SGO1: variants seen among roughly 807,000 people sequenced by gnomAD.
SGO1 encodes the protein shugoshin 1, also known as serologically defined breast cancer antigen NY-BR-85.
A neutral mutation model predicts 50.5 loss-of-function variants in SGO1; 39 were observed. The ratio of observed to expected loss-of-function variants is 0.77; its 90% CI spans 0.60 to 1.01. The LOEUF is 1.01. Among genes scored for constraint, SGO1 ranks in the 50% least tolerant of loss-of-function variants. The pLI, the probability that SGO1 is intolerant of heterozygous loss-of-function variation, is 0.00. For missense variants in SGO1, 638 were observed against 606.0 expected (o/e 1.05, Z -0.55); for synonymous variants, 191 against 205.1 (o/e 0.93, Z 0.59).
intron 6 of SGO1, among the ~76,000 whole-genome samples, chr3:20,173,343 T>A (rs1161030843): frequency 6.6e-6 from 1 of 152,152 alleles, no homozygotes; most frequent in African/African-American, 2.4e-5. Flanking sequence ...TTTCACCATG[T>A]TGGCCAGGCT....
intron 4 of SGO1, among the ~76,000 whole-genome samples, chr3:20,177,741 C>G (rs1346511524): frequency 6.6e-6 from 1 of 152,140 alleles, no homozygotes; most frequent in African/African-American, 2.4e-5. Context: ...GTGCATTTTA[C>G]TGTTTATAAT....
downstream of SGO1, among the ~76,000 whole-genome samples, chr3:20,165,425 C>CA (rs901878580): frequency 2.0e-5 from 3 of 151,124 alleles, no homozygotes; most frequent in Admixed American, 6.6e-5. Context: ...AGATATAAAG[C>CA]AAAAAAAATC....
At chr3:20,178,121 A>G in intron 4 of SGO1, 150 bp downstream of exon 4, 1 of 587,078 alleles carries the variant, frequency 1.7e-6, no homozygotes, top group East Asian at 2.8e-5. Flanking sequence ...GAATTTCAAC[A>G]CATCAAATTC....
At chr3:20,169,433 C>CAG, downstream of SGO1, 1 of 984,374 alleles carries the variant, frequency 1.0e-6, no homozygotes, top group Non-Finnish European at 1.2e-6. Context: ...ATAGTGAAGA[C>CAG]AGAGAGATAC....
At chr3:20,186,352 T>G (rs1702674195), upstream of SGO1, 4 of 152,308 alleles carry the variant, frequency 2.6e-5, 1 homozygote, top group South Asian at 8.3e-4. Flanking sequence ...CATCCGGGCA[T>G]CCACCTGGCC....
In SGO1 at chr3:20,169,487, C is replaced by T. The variant is rs1336811576; in HGVS notation, c.*1217G>A. The T allele has an allele frequency of 1.0e-6, 1 of 979,214 alleles. No individual in the cohort carries two copies. The highest frequency in any genetic ancestry group is 1.1e-4 in the East Asian group (1 of 8,802). 60.7% of individuals were successfully genotyped at this position (979,214 alleles called of 1,614,324 possible). A position where few individuals can be genotyped will look rare whatever the true frequency, so the allele number is the denominator to read the frequency against. On this transcript the variant is annotated 3_prime_UTR_variant, in exon 8 of 8. Transcript: ENST00000412997. ...AGAATAGAAGGAAAGCAATCACTAT[C>T]TTATACAAACTTTATTGCTCTTTAA...
At chr3:20,180,159 G>A (rs1446838778) in intron 3 of SGO1, among the ~76,000 whole-genome samples, 1 of 152,194 alleles carries the variant, frequency 6.6e-6, no homozygotes, top group African/African-American at 2.4e-5. Flanking sequence ...TTAGCTGGGC[G>A]TGGTGGTGTT....
chr3:20,162,630 C>G (rs1037155953), intron 8 of SGO1, among the ~76,000 whole-genome samples: 4 of 151,732 alleles, frequency 2.6e-5, no homozygotes, highest in African/African-American at 9.7e-5. Context: ...GAAAAATAGG[C>G]CAATAAAAGT....
chr3:20,185,403 G>A (rs1008091488), intron 1 of SGO1, among the ~76,000 whole-genome samples: 3 of 152,320 alleles, frequency 2.0e-5, no homozygotes, highest in South Asian at 2.1e-4. Context: ...TAAATAAGGC[G>A]ATGGTTATTA....
exon 9 of SGO1, chr3:20,160,757 C>T (rs927089522): frequency 4.3e-5 from 7 of 161,896 alleles, no homozygotes; most frequent in Non-Finnish European, 2.7e-5. Context: ...ACTAAGATAA[C>T]TTAAAAACTT....
Position 20,169,555 on chromosome 3 carries a change from A to C in SGO1, c.*1149T>G, listed in dbSNP as rs1700511681. 1 of 984,788 alleles carries C rather than the reference A, an allele frequency of 1.0e-6. No individual in the cohort carries two copies. Among genetic ancestry groups the C allele is most frequent in the Non-Finnish European group, 1.2e-6 (1 of 829,402 alleles). 61.0% of individuals were successfully genotyped at this position (984,788 alleles called of 1,614,324 possible). A position where few individuals can be genotyped will look rare whatever the true frequency, so the allele number is the denominator to read the frequency against. On this transcript the variant is annotated 3_prime_UTR_variant, in exon 8 of 8. Transcript: ENST00000412997. ...AGTTCTAAAATTTAAAGAGGTATAT[A>C]CAAGTATAGACATCAAACTTTCTAA...
At chr3:20,171,839 C>CATCATAAACA (rs1232988335) in intron 6 of SGO1, among the ~76,000 whole-genome samples, 1 of 152,204 alleles carries the variant, frequency 6.6e-6, no homozygotes, top group African/African-American at 2.4e-5. Context: ...AAAAAAGTTA[C>CATCATAAACA]TCAGTGTTTT....
intron 3 of SGO1, among the ~76,000 whole-genome samples, chr3:20,180,662 T>C (rs1056424935): frequency 1.3e-4 from 20 of 152,192 alleles, no homozygotes; most frequent in African/African-American, 4.8e-4. Context: ...AGAACCTAAG[T>C]ATAGAGGTGG....
At chr3:20,175,875 C>A (rs998462919) in intron 5 of SGO1, among the ~76,000 whole-genome samples, 1 of 151,854 alleles carries the variant, frequency 6.6e-6, no homozygotes, top group Non-Finnish European at 1.5e-5. Context: ...TCATTGAGTA[C>A]AGATTCAGAG....
At chr3:20,161,000 T>A in exon 9 of SGO1, 1 of 1,529,102 alleles carries the variant, frequency 6.5e-7, no homozygotes. Context: ...TCAACACCCC[T>A]CCATCTCTCC....
In SGO1 at chr3:20,181,565, A is replaced by G. The variant is rs114308350; in HGVS notation, c.339+2043T>C. On this transcript the variant is annotated intron_variant, in intron 3 of 7. Coordinates refer to ENST00000412997, the MANE Select transcript of SGO1 (RefSeq NM_001199251.3). ...GTAGCAACTAACAATGTTTTTAATA[A>G]ATACTCAAAAACTATTGAGCTGCAG... Among the ~76,000 whole-genome samples, 383 of 152,338 alleles carry G rather than the reference A, an allele frequency of 2.5e-3. 1 individual carries two copies. Among genetic ancestry groups the G allele is most frequent in the Non-Finnish European group, 4.5e-3 (306 of 68,028 alleles).
intron 3 of SGO1, among the ~76,000 whole-genome samples, chr3:20,180,644 G>C (rs1701907570): frequency 6.6e-6 from 1 of 152,162 alleles, no homozygotes; most frequent in Admixed American, 6.5e-5. Context: ...TAACAAGAGG[G>C]AAGATGAAGA....
intron 3 of SGO1, among the ~76,000 whole-genome samples, chr3:20,182,643 T>C (rs1702153375): frequency 6.6e-6 from 1 of 151,440 alleles, no homozygotes. Context: ...TAAAGCAAAC[T>C]TTCTCCATAT....
At chr3:20,185,612 G>GT (rs749409264) in intron 1 of SGO1, among the ~76,000 whole-genome samples, 5 of 152,206 alleles carry the variant, frequency 3.3e-5, no homozygotes, top group Non-Finnish European at 7.3e-5. Context: ...CCTCTCCAGG[G>GT]TAAGTGAGGA....
Sources: allele counts gnomAD v4.1 joint callset (sites outside exome capture counted in the v4.1 genomes callset), GRCh38; gene constraint gnomAD v4.1.1; transcripts MANE v1.5; gene names NCBI Gene and HGNC (gene_info 2026-07-23, HGNC 2026-07-21).